Variants in CTNND2 observed in about 807,000 individuals in gnomAD.
The protein encoded by CTNND2 is catenin delta-2.
Under a neutral mutation model 144.4 loss-of-function variants are expected in CTNND2, and 22 were observed. The ratio of observed to expected loss-of-function variants is 0.15; its 90% confidence interval spans 0.11 to 0.22. CTNND2 has a LOEUF of 0.22. CTNND2 is among the 10% of genes least tolerant of loss of function. CTNND2 has a pLI of 1.00. For missense variants in CTNND2, 1,353 were observed against 1,618.8 expected, an observed-to-expected ratio of 0.84 and a Z score of 2.82; for synonymous variants, 751 against 695.6, an observed-to-expected ratio of 1.08 and a Z score of -1.25.
At position 11,231,479 on chromosome 5, in the gene CTNND2, G is replaced by A. The variant is rs1042568272; in HGVS notation, c.1761+5212C>T. Among the ~76,000 whole-genome samples, 8 of 152,174 alleles carry A rather than the reference G, an allele frequency of 5.3e-5. No homozygotes were observed. The East Asian group carries it at 1.3e-3, about 26-fold the overall frequency. ...CTGAGGTGGTCTCAGATAGATATGCGGAACTTCTTGGGAACTGGAGCAAAG... is the reference window on the plus strand; with the variant it reads ...CTGAGGTGGTCTCAGATAGATATGCAGAACTTCTTGGGAACTGGAGCAAAG... On this transcript the variant is annotated intron_variant, in intron 10 of 21. Coordinates refer to ENST00000304623, the MANE Select transcript of CTNND2 (RefSeq NM_001332.4).
intron 3 of CTNND2, among the ~76,000 whole-genome samples, chr5:11,546,746 T>C (rs1775268736): frequency 6.6e-6 from 1 of 152,140 alleles, no homozygotes; most frequent in South Asian, 2.1e-4. Flanking sequence ...TAAATGGACA[T>C]CAAGTTCATG....
intron 21 of CTNND2, among the ~76,000 whole-genome samples, 159 bp downstream of exon 21, chr5:10,981,614 C>A (rs1046818970): frequency 6.6e-6 from 1 of 152,026 alleles, no homozygotes; most frequent in Non-Finnish European, 1.5e-5. Flanking sequence ...CACAGAGACA[C>A]ACACACGCTG....
intron 9 of CTNND2, among the ~76,000 whole-genome samples, chr5:11,327,943 T>A (rs1752701731): frequency 6.6e-6 from 1 of 152,206 alleles, no homozygotes; most frequent in Non-Finnish European, 1.5e-5. Flanking sequence ...TGTTTGTAAT[T>A]TTTTAAGTAC....
At position 11,479,875 on chromosome 5, in the gene CTNND2, A is replaced by G. The variant is rs531639309; in HGVS notation, c.288-67806T>C. On this transcript the variant is annotated intron_variant, in intron 3 of 21. Coordinates refer to ENST00000304623, the MANE Select transcript of CTNND2 (RefSeq NM_001332.4). ...TATAAGTTGGTTTAAGTTCTTATAAATTGGTTAAGTTCCTTATAGATGTTG... is the reference window on the plus strand; with the variant it reads ...TATAAGTTGGTTTAAGTTCTTATAAGTTGGTTAAGTTCCTTATAGATGTTG... Among the ~76,000 whole-genome samples, 18 of 152,108 alleles carry G rather than the reference A, an allele frequency of 1.2e-4. No individual in the cohort carries two copies. The South Asian group carries it at 3.5e-3, about 30-fold the overall frequency.
chr5:11,362,295 T>G (rs1756538369), intron 8 of CTNND2, among the ~76,000 whole-genome samples: 1 of 152,246 alleles, frequency 6.6e-6, no homozygotes, highest in East Asian at 1.9e-4. Flanking sequence ...TAGACAGAAT[T>G]TAATAATATT....
At chr5:11,831,849 T>A (rs182370855) in intron 1 of CTNND2, among the ~76,000 whole-genome samples, 420 of 152,126 alleles carry the variant, frequency 2.8e-3, no homozygotes, top group Middle Eastern at 6.8e-3. Flanking sequence ...TTCCAAAAAC[T>A]TCAAGTTAAT....
intron 10 of CTNND2, among the ~76,000 whole-genome samples, chr5:11,221,455 G>A (rs1280107177): frequency 6.6e-6 from 1 of 152,156 alleles, no homozygotes; most frequent in African/African-American, 2.4e-5. Context: ...AATAAACTTG[G>A]AAGATAAGGT....
chr5:11,806,874 G>A (rs1161336178), intron 1 of CTNND2, among the ~76,000 whole-genome samples: 1 of 152,022 alleles, frequency 6.6e-6, no homozygotes, highest in African/African-American at 2.4e-5. Context: ...CTTTTATTAA[G>A]CAAAACCATG....
intron 16 of CTNND2, among the ~76,000 whole-genome samples, chr5:11,062,666 C>T (rs1405558090): frequency 1.3e-5 from 2 of 152,200 alleles, no homozygotes; most frequent in Admixed American, 6.5e-5. Context: ...TCCCCTGGGG[C>T]AGACTCCAAA....
chr5:11,092,943 ATCTC>A (rs1421800647), intron 15 of CTNND2, among the ~76,000 whole-genome samples: 3 of 152,188 alleles, frequency 2.0e-5, no homozygotes, highest in African/African-American at 7.2e-5. Context: ...CAAGGCTGTT[ATCTC>A]TCTCTCTAAG....
chr5:11,232,003 G>A (rs1741081348), intron 10 of CTNND2, among the ~76,000 whole-genome samples: 1 of 152,234 alleles, frequency 6.6e-6, no homozygotes, highest in Non-Finnish European at 1.5e-5. Context: ...GCTTCAGAGG[G>A]TGTGAGCCCC....
chr5:11,056,586 G>C (rs1201178386), intron 16 of CTNND2, among the ~76,000 whole-genome samples: 2 of 152,164 alleles, frequency 1.3e-5, no homozygotes. Flanking sequence ...CCGAGCAGCT[G>C]GGACTACAGG....
chr5:11,542,996 T>C (rs921750441), intron 3 of CTNND2, among the ~76,000 whole-genome samples: 2 of 152,216 alleles, frequency 1.3e-5, no homozygotes, highest in African/African-American at 4.8e-5. Flanking sequence ...TTGTCTGCCA[T>C]TGGATAAACA....
intron 9 of CTNND2, among the ~76,000 whole-genome samples, chr5:11,240,137 A>C (rs1311422): frequency 0.19 from 28,070 of 146,076 alleles, 3,104 homozygotes; most frequent in African/African-American, 0.31. Flanking sequence ...CAACACACAC[A>C]CCCAACACAC....
chr5:11,175,517 T>C (rs139035062), intron 11 of CTNND2, among the ~76,000 whole-genome samples: 278 of 152,352 alleles, frequency 1.8e-3, no homozygotes, highest in Middle Eastern at 6.8e-3. Context: ...CGGATATATT[T>C]TGATATCAAC....
chr5:11,345,786 G>GAAAA (rs1754713550), intron 9 of CTNND2, among the ~76,000 whole-genome samples: 1 of 151,234 alleles, frequency 6.6e-6, no homozygotes, highest in Admixed American at 6.6e-5. Context: ...AAGAAAGAAA[G>GAAAA]AAAAAACAGC....
chr5:11,000,682 A>C (rs532882132), intron 18 of CTNND2, among the ~76,000 whole-genome samples: 2 of 152,324 alleles, frequency 1.3e-5, no homozygotes, highest in African/African-American at 4.8e-5. Flanking sequence ...CTCAGCAGAT[A>C]GAGAGGTGGA....
chr5:11,473,845 C>T (rs890159621), intron 3 of CTNND2, among the ~76,000 whole-genome samples: 37 of 152,292 alleles, frequency 2.4e-4, no homozygotes, highest in African/African-American at 7.5e-4. Flanking sequence ...AATGGGGATG[C>T]CAGGCCTAAT....
intron 11 of CTNND2, among the ~76,000 whole-genome samples, chr5:11,199,091 A>G (rs1323099740): frequency 6.6e-6 from 1 of 152,144 alleles, no homozygotes; most frequent in East Asian, 1.9e-4. Flanking sequence ...CAGAATATAT[A>G]CCTTATTAGC....
Sources: allele counts gnomAD v4.1 joint callset (sites outside exome capture counted in the v4.1 genomes callset), GRCh38; gene constraint gnomAD v4.1.1; transcripts MANE v1.5; gene names NCBI Gene and HGNC (gene_info 2026-07-23, HGNC 2026-07-21).